GNAT3: variants seen among roughly 807,000 people sequenced by gnomAD.
GNAT3 encodes the protein G protein subunit alpha transducin 3.
In GNAT3, 31 loss-of-function variants were observed where a neutral mutation model predicts 37.7. The ratio of observed to expected loss-of-function variants is 0.82; its 90% CI spans 0.62 to 1.11. The LOEUF (loss-of-function observed/expected upper bound fraction) is 1.11. Ranked by LOEUF, GNAT3 falls within the 50% of genes most tolerant of loss-of-function variation. The pLI is 0.00. For synonymous variants in GNAT3, 138 were observed against 139.8 expected, an observed-to-expected ratio of 0.99 and a Z score of 0.09; for missense variants, 437 against 412.5, an observed-to-expected ratio of 1.06 and a Z score of -0.51.
chr7:80,476,422 AT>A (rs1790302442), intron 4 of GNAT3, among the ~76,000 whole-genome samples: 2 of 145,498 alleles, frequency 1.4e-5, no homozygotes, highest in Non-Finnish European at 3.0e-5. Context: ...AGCACATGGA[AT>A]TTTAAAGGCA....
chr7:80,491,891 A>G (rs1430310160), intron 2 of GNAT3, among the ~76,000 whole-genome samples: 3 of 152,206 alleles, frequency 2.0e-5, no homozygotes, highest in Admixed American at 6.6e-5. Context: ...AGAAGTGCTC[A>G]TTGTAGAAAA....
chr7:80,482,494 CTTTTTTGT>C (rs1790407401), intron 3 of GNAT3, among the ~76,000 whole-genome samples: 1 of 150,062 alleles, frequency 6.7e-6, no homozygotes, highest in Non-Finnish European at 1.5e-5. Context: ...CTTTCTTTTT[CTTTTTTGT>C]TTTTTTGTTT....
At position 80,474,361 on chromosome 7, in the gene GNAT3, A is replaced by G; in HGVS notation, c.480T>C (p.Asp160=). The change falls in exon 5 of 8, where the codon GAT becomes GAC. Residue 160 remains aspartate (D), a synonymous_variant. Transcript: ENST00000398291. ...DSAAYYLNDL[D]RITASGYVPN... ...GCACATACCCAGATGCTGTTATTCTATCTAAATCATTAAGGTAGCTAATAA... is the reference window on the plus strand; with the variant it reads ...GCACATACCCAGATGCTGTTATTCTGTCTAAATCATTAAGGTAGCTAATAA... The G allele has an allele frequency of 1.3e-6, 2 of 1,544,834 alleles. No homozygotes were observed. The highest frequency in any genetic ancestry group is 1.2e-5 in the South Asian group (1 of 83,848).
Position 80,462,526 on chromosome 7 carries a change from C to T in GNAT3, c.696G>A (p.Met232Ile), listed in dbSNP as rs199873856. Residue 232 changes from methionine to isoleucine, a missense_variant, in exon 6 of 8, where the codon ATG becomes ATA. Transcript: ENST00000398291. ...CCACTTCTTCGTCTTCCACGAGGAC[C>T]ATGTCATAGGCACTAAGTGCAGCAC... ...IFCAALSAYDMVLVEDEEVNR... is the reference protein window; with the variant it reads ...IFCAALSAYDIVLVEDEEVNR... 2 of 1,613,530 alleles carry T rather than the reference C, an allele frequency of 1.2e-6. No homozygotes were observed. Among genetic ancestry groups the T allele is most frequent in the Non-Finnish European group, 1.7e-6 (2 of 1,179,714 alleles).
intron 1 of GNAT3, 105 bp from the exon 2 acceptor site, chr7:80,494,752 T>A (rs1790683991): frequency 1.4e-6 from 1 of 692,524 alleles, no homozygotes; most frequent in Non-Finnish European, 2.5e-6. Context: ...TTAATAGGTT[T>A]AGGGGGTACA....
chr7:80,490,992 C>T (rs1182788740), intron 2 of GNAT3, among the ~76,000 whole-genome samples: 1 of 152,036 alleles, frequency 6.6e-6, no homozygotes, highest in Non-Finnish European at 1.5e-5. Flanking sequence ...TGTGCCATGG[C>T]AAGGAGATTG....
At position 80,507,785 on chromosome 7, in the gene GNAT3, G is replaced by T. The variant is rs146816675; in HGVS notation, c.118+4024C>A. ...CTAATTATTTTGTGACAAGCCTTTA[G>T]ATAGCATCAAAAATCATAATTCTCC... is the stretch of plus-strand genomic sequence containing the variant. On this transcript the variant is annotated intron_variant, in intron 1 of 7. Coordinates refer to ENST00000398291, the MANE Select transcript of GNAT3 (RefSeq NM_001102386.3). 8.0e-4 allele frequency among the ~76,000 whole-genome samples: 122 copies of T among 152,050 alleles called. 1 individual carries two copies. The highest frequency in any genetic ancestry group is 1.3e-3 in the Non-Finnish European group (91 of 67,858).
At chr7:80,472,838 C>G (rs1171501664) in intron 5 of GNAT3, among the ~76,000 whole-genome samples, 3 of 152,170 alleles carry the variant, frequency 2.0e-5, no homozygotes, top group Non-Finnish European at 4.4e-5. Context: ...AAAAGGTTAA[C>G]TGTGTTTCTT....
chr7:80,505,356 A>AT (rs1045404112), intron 1 of GNAT3, among the ~76,000 whole-genome samples: 15 of 152,064 alleles, frequency 9.9e-5, no homozygotes, highest in African/African-American at 1.4e-4. Flanking sequence ...TTAGAGAGTG[A>AT]TTTTTTAAAT....
At chr7:80,500,181 G>C (rs1470448562) in intron 1 of GNAT3, among the ~76,000 whole-genome samples, 1 of 149,804 alleles carries the variant, frequency 6.7e-6, no homozygotes, top group East Asian at 2.0e-4. Context: ...TGGTGGGCTT[G>C]TTTATAAATA....
intron 3 of GNAT3, among the ~76,000 whole-genome samples, chr7:80,480,654 A>C (rs1300943212): frequency 1.3e-5 from 2 of 152,144 alleles, no homozygotes; most frequent in Non-Finnish European, 2.9e-5. Context: ...TGGATTATTC[A>C]TGCCTCCCCT....
At chr7:80,476,469 A>G (rs889359811) in intron 4 of GNAT3, among the ~76,000 whole-genome samples, 1 of 148,314 alleles carries the variant, frequency 6.7e-6, no homozygotes, top group African/African-American at 2.5e-5. Flanking sequence ...CATGCAGTCA[A>G]CTAAAATGTT....
chr7:80,485,220 T>C (rs1019830788), intron 3 of GNAT3, among the ~76,000 whole-genome samples: 2 of 151,892 alleles, frequency 1.3e-5, no homozygotes, highest in African/African-American at 4.8e-5. Flanking sequence ...CTAATACCCT[T>C]CCCTTCTTAA....
chr7:80,469,637 T>A (rs529302148), intron 5 of GNAT3, among the ~76,000 whole-genome samples: 3 of 152,306 alleles, frequency 2.0e-5, no homozygotes, highest in Admixed American at 1.3e-4. Flanking sequence ...TAGAGTTATC[T>A]AATTTAGTAT....
rs1266845453 is a variant in GNAT3 at position 80,462,490 on chromosome 7, C to A, written c.720+12G>T. The A allele has an allele frequency of 6.2e-7, 1 of 1,611,874 alleles. No homozygotes were observed. The highest frequency in any genetic ancestry group is 8.5e-7 in the Non-Finnish European group (1 of 1,179,242). On this transcript the variant is annotated intron_variant, in intron 6 of 7. Transcript: ENST00000398291. ...ACTTTTAACCCTGGCTTTGTTTTTCCTTTAGACTTACCACTTCTTCGTCTT... is the reference window on the plus strand; with the variant it reads ...ACTTTTAACCCTGGCTTTGTTTTTCATTTAGACTTACCACTTCTTCGTCTT...
rs1258634333 is a variant in GNAT3 at position 80,462,099 on chromosome 7, T to A, written c.874+60A>T. 583 of 1,066,118 alleles carry A rather than the reference T, an allele frequency of 5.5e-4. 8 individuals carry two copies. The highest frequency in any genetic ancestry group is 6.2e-5 in the Non-Finnish European group (46 of 739,494). 66.0% of individuals were successfully genotyped at this position (1,066,118 alleles called of 1,614,324 possible). On this transcript the variant is annotated intron_variant, in intron 7 of 7. Transcript: ENST00000398291. ...TAAGTATTAAATGTCAAGATCCAGATAGGAAATATATATTTATACAAAAAT... is the reference window on the plus strand; with the variant it reads ...TAAGTATTAAATGTCAAGATCCAGAAAGGAAATATATATTTATACAAAAAT...
intron 1 of GNAT3, among the ~76,000 whole-genome samples, chr7:80,504,095 C>T (rs147397747): frequency 1.4e-4 from 22 of 152,230 alleles, no homozygotes; most frequent in Middle Eastern, 3.4e-3. Flanking sequence ...ACAGGCAGAT[C>T]GCTTGAGCCC....
chr7:80,489,322 A>C (rs573019228), intron 2 of GNAT3, among the ~76,000 whole-genome samples: 1 of 152,290 alleles, frequency 6.6e-6, no homozygotes, highest in East Asian at 1.9e-4. Flanking sequence ...GTTTTCGAAT[A>C]ATAGCTTAAA....
At position 80,511,818 on chromosome 7, in the gene GNAT3, G is replaced by A. The variant is rs774920344; in HGVS notation, c.109C>T (p.Leu37=). 1 of 1,603,174 alleles carries A rather than the reference G, an allele frequency of 6.2e-7. No individual in the cohort carries two copies. Among genetic ancestry groups the A allele is most frequent in the Non-Finnish European group, 8.5e-7 (1 of 1,171,558 alleles). The change falls in exon 1 of 8, where the codon CTA becomes TTA. Residue 37 remains leucine (L), a synonymous_variant. Coordinates refer to ENST00000398291, the MANE Select transcript of GNAT3 (RefSeq NM_001102386.3). ...AERDARTVKL[L]LLGAGESGKS... is the part of the protein sequence containing the mutation. ...AGGGAAAAGAAATTACCTAATAGTA[G>A]CAGCTTTACGGTTCTTGCATCTCGC...
Sources: gnomAD v4.1 joint callset for allele counts (sites outside exome capture counted in the v4.1 genomes callset) on GRCh38, gnomAD v4.1.1 for gene constraint, MANE v1.5 for transcripts, NCBI Gene and HGNC (gene_info 2026-07-23, HGNC 2026-07-21) for gene names.